Variants in NCKAP1L observed in about 807,000 individuals in gnomAD.
The protein encoded by NCKAP1L is NCK associated protein 1 like.
A neutral mutation model predicts 139.2 loss-of-function variants in NCKAP1L; 53 were observed. That is an observed-to-expected ratio of 0.38 (90% CI 0.31 to 0.48). The LOEUF is 0.48. Among genes scored for constraint, NCKAP1L ranks in the 20% least tolerant of loss-of-function variants. NCKAP1L has a pLI of 0.98. For missense variants in NCKAP1L, 1,151 were observed against 1,381.9 expected, an observed-to-expected ratio of 0.83 and a Z score of 2.65; for synonymous variants, 468 against 499.7, an observed-to-expected ratio of 0.94 and a Z score of 0.85.
chr12:54,499,689 T>C (rs1264428080), intron 2 of NCKAP1L, among the ~76,000 whole-genome samples: 3 of 152,178 alleles, frequency 2.0e-5, no homozygotes, highest in African/African-American at 7.2e-5. Flanking sequence ...CTGGAGCGAA[T>C]CATCACCCCT....
At chr12:54,499,837 T>G (rs1956782914) in intron 2 of NCKAP1L, among the ~76,000 whole-genome samples, 1 of 152,278 alleles carries the variant, frequency 6.6e-6, no homozygotes, top group African/African-American at 2.4e-5. Flanking sequence ...CTGCATCTAA[T>G]GGGATATCTC....
Position 54,526,509 on chromosome 12 carries a change from T to A in NCKAP1L, c.2157-19T>A, listed in dbSNP as rs1181512129. On this transcript the variant is annotated intron_variant, in intron 20 of 30. Transcript: ENST00000293373. Reference sequence around the variant, plus strand: ...CCATTATGATTGTAATTCTAATTTTTTTTTTTTAAATCACCTAGAGCCATT... The same window carrying A: ...CCATTATGATTGTAATTCTAATTTTATTTTTTTAAATCACCTAGAGCCATT... 1.9e-6 allele frequency: 3 copies of A among 1,598,818 alleles called. No homozygotes were observed. The South Asian group carries it at 3.3e-5, about 18-fold the overall frequency.
chr12:54,500,011 G>A (rs761822176), intron 2 of NCKAP1L, among the ~76,000 whole-genome samples: 6 of 152,108 alleles, frequency 3.9e-5, no homozygotes, highest in Non-Finnish European at 5.9e-5. Flanking sequence ...AGGATCACAT[G>A]CAACCATTCT....
Position 54,531,537 on chromosome 12 carries a change from A to C in NCKAP1L, c.2651A>C (p.Asn884Thr). 1 of 1,614,208 alleles carries C rather than the reference A, an allele frequency of 6.2e-7. No individual in the cohort carries two copies. Among genetic ancestry groups the C allele is most frequent in the Non-Finnish European group, 8.5e-7 (1 of 1,180,040 alleles). The part of the protein sequence containing the change: ...NMDILVQIRS[N>T]FSKPDLMASL... ...GACATACTTGTTCAGATCAGATCCA[A>C]CTTTAGCAAGCCGGACTTGATGGCT... Residue 884 changes from asparagine (N) to threonine (T), a missense_variant, in exon 24 of 31, where the codon AAC becomes ACC. Physicochemically the swap from Asn to Thr is moderately conservative, Grantham distance 65. Coordinates refer to ENST00000293373, the MANE Select transcript of NCKAP1L (RefSeq NM_005337.5).
At chr12:54,507,964 A>T (rs1235606854) in intron 4 of NCKAP1L, 55 bp downstream of exon 4, 3 of 1,515,678 alleles carry the variant, frequency 2.0e-6, no homozygotes, top group African/African-American at 2.7e-5. Flanking sequence ...GGCCAGGTCT[A>T]GGTTGGGAGG....
intron 22 of NCKAP1L, 67 bp from the exon 23 acceptor site, chr12:54,531,193 A>C: frequency 1.7e-6 from 2 of 1,173,102 alleles, no homozygotes; most frequent in African/African-American, 1.5e-5. Flanking sequence ...AAATTACCCT[A>C]TAGCTGTTGT....
chr12:54,517,921 C>A lies in NCKAP1L; in HGVS notation c.1321C>A (p.Leu441Ile), dbSNP rs549823356. 2.5e-6 allele frequency: 4 copies of A among 1,614,090 alleles called. No homozygotes were observed. In the South Asian group the frequency reaches 4.4e-5, roughly 18 times the overall value. ...QYLARFDALVLSDIIQNLSVC... is the reference protein window; with the variant it reads ...QYLARFDALVISDIIQNLSVC... ...CTTGGCAAGATTTGATGCTCTTGTGCTCAGTGACATCATTCAGGTATGATA... is the reference window on the plus strand; with the variant it reads ...CTTGGCAAGATTTGATGCTCTTGTGATCAGTGACATCATTCAGGTATGATA... Residue 441 changes from leucine (L) to isoleucine (I), a missense_variant, in exon 13 of 31, where the codon CTC becomes ATC. By Grantham distance (5) the Leu-to-Ile change is conservative (BLOSUM62 2). Coordinates refer to ENST00000293373, the MANE Select transcript of NCKAP1L (RefSeq NM_005337.5).
chr12:54,504,062 A>G (rs926839182), intron 3 of NCKAP1L, among the ~76,000 whole-genome samples: 4 of 152,366 alleles, frequency 2.6e-5, no homozygotes, highest in South Asian at 2.1e-4. Context: ...CCTAAAATGT[A>G]TATTTACATA....
intron 5 of NCKAP1L, among the ~76,000 whole-genome samples, chr12:54,509,023 G>A (rs1329242187): frequency 1.3e-5 from 2 of 152,118 alleles, no homozygotes; most frequent in Non-Finnish European, 2.9e-5. Context: ...TGATTTTCAG[G>A]TTATTACAAA....
intron 30 of NCKAP1L, among the ~76,000 whole-genome samples, chr12:54,541,252 G>T (rs911523309): frequency 6.6e-6 from 1 of 152,168 alleles, no homozygotes; most frequent in African/African-American, 2.4e-5. Context: ...GACAATCAAG[G>T]TCTCCCCTAA....
In NCKAP1L at chr12:54,542,783, G is replaced by A. The variant is rs957134607; in HGVS notation, c.*98G>A. The A allele has an allele frequency of 4.6e-5, 34 of 734,632 alleles. 1 individual carries two copies. The Middle Eastern group carries it at 7.4e-3, about 160-fold the overall frequency. 45.5% of individuals were successfully genotyped at this position (734,632 alleles called of 1,614,324 possible). ...TTTCGCAGGGGGTGGGAATGGGGTG[G>A]GGTCACTAAGGAGAGAGGGTCAGGA... On this transcript the variant is annotated 3_prime_UTR_variant, in exon 31 of 31. Coordinates refer to ENST00000293373, the MANE Select transcript of NCKAP1L (RefSeq NM_005337.5).
At chr12:54,518,078 C>T (rs1484636900) in intron 13 of NCKAP1L, 140 bp downstream of exon 13, 7 of 935,578 alleles carry the variant, frequency 7.5e-6, no homozygotes, top group East Asian at 2.6e-5. Flanking sequence ...CGGTGGCTCA[C>T]GTCTGTAATC....
At chr12:54,523,628 G>A in intron 19 of NCKAP1L, 89 bp downstream of exon 19, 1 of 1,514,124 alleles carries the variant, frequency 6.6e-7, no homozygotes, top group South Asian at 1.3e-5. Flanking sequence ...AAAGAAAAGA[G>A]CGCAAGTCAT....
At chr12:54,521,360 G>C (rs1256694661) in intron 18 of NCKAP1L, 122 bp downstream of exon 18, 79 of 1,354,174 alleles carry the variant, frequency 5.8e-5, no homozygotes, top group Non-Finnish European at 8.0e-5. Flanking sequence ...AGTAGGGCTA[G>C]GGCCTTTCTG....
Position 54,511,962 on chromosome 12 carries a change from T to G in NCKAP1L, c.798T>G (p.Leu266=). 2 of 1,614,202 alleles carry G rather than the reference T, an allele frequency of 1.2e-6. No individual in the cohort carries two copies. Among genetic ancestry groups the G allele is most frequent in the Non-Finnish European group, 8.5e-7 (1 of 1,180,030 alleles). The part of the protein sequence containing the change: ...MERWIIIGFL[L]CHGCLNSNSQ... ...TCCCACCTACAGTTGGGTTTCTTCT[T>G]TGTCATGGGTGCCTCAACTCCAATA... The change falls in exon 9 of 31, where the codon CTT becomes CTG. Residue 266 remains leucine, a synonymous_variant. Transcript: ENST00000293373.
At chr12:54,539,061 T>C in intron 30 of NCKAP1L, 88 bp downstream of exon 30, 1 of 1,135,008 alleles carries the variant, frequency 8.8e-7, no homozygotes, top group Non-Finnish European at 1.3e-6. Context: ...TCCTTGCCAT[T>C]CTTGTCACCC....
intron 3 of NCKAP1L, among the ~76,000 whole-genome samples, chr12:54,506,798 T>A (rs2706260): frequency 0.059 from 1,995 of 33,752 alleles, 29 homozygotes; most frequent in Middle Eastern, 0.11. Context: ...AAAAAAAAAA[T>A]ATATATATAT....
chr12:54,528,407 G>A, intron 22 of NCKAP1L, 30 bp downstream of exon 22: 3 of 1,608,480 alleles, frequency 1.9e-6, no homozygotes, highest in South Asian at 2.2e-5. Context: ...TTCTTGTCAA[G>A]GAGCTGAGCC....
chr12:54,503,374 T>C (rs1205573118), intron 3 of NCKAP1L, among the ~76,000 whole-genome samples: 1 of 152,026 alleles, frequency 6.6e-6, no homozygotes, highest in East Asian at 1.9e-4. Flanking sequence ...ATTTTAAAAA[T>C]TAATGTCGTA....
Sources: allele counts gnomAD v4.1 joint callset (sites outside exome capture counted in the v4.1 genomes callset), GRCh38; gene constraint gnomAD v4.1.1; transcripts MANE v1.5; gene names NCBI Gene and HGNC (gene_info 2026-07-23, HGNC 2026-07-21).